POU6F2: variants seen among roughly 807,000 people sequenced by gnomAD.
POU6F2 encodes POU class 6 homeobox 2.
In POU6F2, 31 loss-of-function variants were observed where a neutral mutation model predicts 71.3. The ratio of observed to expected loss-of-function variants is 0.43; its 90% confidence interval spans 0.33 to 0.59. POU6F2 has a LOEUF of 0.59. Among genes scored for constraint, POU6F2 ranks in the 20% least tolerant of loss-of-function variants. The pLI is 0.04. For missense variants in POU6F2, 783 were observed against 856.8 expected, an observed-to-expected ratio of 0.91 and a Z score of 1.07; for synonymous variants, 347 against 355.7, an observed-to-expected ratio of 0.98 and a Z score of 0.27.
intron 2 of POU6F2, among the ~76,000 whole-genome samples, chr7:39,110,250 C>T (rs1292051639): frequency 1.7e-5 from 2 of 119,160 alleles, no homozygotes; most frequent in Non-Finnish European, 3.3e-5. Context: ...CAGGCTGGGA[C>T]AGAGCGAAAC....
intron 4 of POU6F2, among the ~76,000 whole-genome samples, chr7:39,293,972 T>A (rs1784807396): frequency 6.6e-6 from 1 of 151,876 alleles, no homozygotes; most frequent in Non-Finnish European, 1.5e-5. Context: ...GATGAAAAAC[T>A]TTGAAAGGGA....
At chr7:38,986,888 A>T (rs1257698343) in intron 1 of POU6F2, among the ~76,000 whole-genome samples, 5 of 152,174 alleles carry the variant, frequency 3.3e-5, no homozygotes, top group African/African-American at 1.2e-4. Flanking sequence ...ACTTTTACAT[A>T]TAAAAAATAT....
At position 39,239,351 on chromosome 7, in the gene POU6F2, C is replaced by T. The variant is rs928921038; in HGVS notation, c.598+31731C>T. On this transcript the variant is annotated intron_variant, in intron 4 of 9. Coordinates refer to ENST00000518318, the MANE Select transcript of POU6F2 (RefSeq NM_001370959.1). ...AAAATCCAAAAAAATCTCTGAAAAGCGAAGGTGTTTTCATAACTGATTTAG... is the reference window on the plus strand; with the variant it reads ...AAAATCCAAAAAAATCTCTGAAAAGTGAAGGTGTTTTCATAACTGATTTAG... 6.6e-5 allele frequency among the ~76,000 whole-genome samples: 10 copies of T among 152,008 alleles called. No homozygotes were observed. The South Asian group carries it at 8.3e-4, about 13-fold the overall frequency.
intron 2 of POU6F2, among the ~76,000 whole-genome samples, chr7:39,132,028 T>C (rs1235431067): frequency 6.6e-6 from 1 of 152,208 alleles, no homozygotes; most frequent in Non-Finnish European, 1.5e-5. Context: ...ACTTTTTAGT[T>C]ATTTTAAAAT....
chr7:39,263,820 G>A (rs182917837), intron 4 of POU6F2, among the ~76,000 whole-genome samples: 2 of 152,268 alleles, frequency 1.3e-5, no homozygotes, highest in Non-Finnish European at 2.9e-5. Context: ...TGACCTCCCC[G>A]AAGGCAGGAA....
At chr7:39,455,429 G>A (rs1305764978) in intron 8 of POU6F2, among the ~76,000 whole-genome samples, 1 of 152,108 alleles carries the variant, frequency 6.6e-6, no homozygotes, top group African/African-American at 2.4e-5. Context: ...CAAAAATACT[G>A]TTCTCCCAAA....
At chr7:39,088,373 A>G (rs531364442) in intron 2 of POU6F2, among the ~76,000 whole-genome samples, 2 of 152,304 alleles carry the variant, frequency 1.3e-5, no homozygotes, top group South Asian at 2.1e-4. Flanking sequence ...TACGTAACTG[A>G]CTAAAACTTT....
At chr7:39,293,872 A>G (rs980395121) in intron 4 of POU6F2, among the ~76,000 whole-genome samples, 1 of 152,206 alleles carries the variant, frequency 6.6e-6, no homozygotes, top group Admixed American at 6.5e-5. Context: ...TCCCTGGGGA[A>G]ACTGAGAGGC....
At chr7:39,282,928 C>A (rs1784585257) in intron 4 of POU6F2, among the ~76,000 whole-genome samples, 1 of 152,058 alleles carries the variant, frequency 6.6e-6, no homozygotes. Context: ...GATATCTTTC[C>A]ATTTATGTGT....
intron 4 of POU6F2, among the ~76,000 whole-genome samples, chr7:39,320,703 T>C (rs1446456379): frequency 6.6e-6 from 1 of 152,204 alleles, no homozygotes; most frequent in Non-Finnish European, 1.5e-5. Flanking sequence ...CTTTTTCCTA[T>C]TTATACATAC....
chr7:39,031,977 A>G (rs1297238166), intron 1 of POU6F2, among the ~76,000 whole-genome samples: 1 of 152,174 alleles, frequency 6.6e-6, no homozygotes, highest in Non-Finnish European at 1.5e-5. Context: ...TTGTATGTCA[A>G]TAGTTGCGTC....
chr7:39,385,416 C>T (rs532181730), intron 5 of POU6F2, among the ~76,000 whole-genome samples: 4 of 152,326 alleles, frequency 2.6e-5, no homozygotes, highest in Admixed American at 1.3e-4. Flanking sequence ...GAGTTGCACA[C>T]GGTCCTGGGA....
intron 9 of POU6F2, among the ~76,000 whole-genome samples, chr7:39,462,200 G>T (rs1788965366): frequency 6.6e-6 from 1 of 152,178 alleles, no homozygotes; most frequent in South Asian, 2.1e-4. Flanking sequence ...CCAGAGAGAG[G>T]TCAAAAAAGC....
At chr7:39,127,395 C>G (rs1792161667) in intron 2 of POU6F2, among the ~76,000 whole-genome samples, 1 of 152,150 alleles carries the variant, frequency 6.6e-6, no homozygotes, top group Admixed American at 6.6e-5. Flanking sequence ...TTCATTTAGT[C>G]ATTCAAGCAA....
At chr7:39,167,891 T>C (rs1206999934) in intron 2 of POU6F2, among the ~76,000 whole-genome samples, 2 of 152,034 alleles carry the variant, frequency 1.3e-5, no homozygotes, top group Non-Finnish European at 2.9e-5. Flanking sequence ...TACTTATTTT[T>C]GGCTTTTAGG....
chr7:39,155,854 G>A (rs905170523), intron 2 of POU6F2, among the ~76,000 whole-genome samples: 7 of 152,134 alleles, frequency 4.6e-5, no homozygotes, highest in Non-Finnish European at 8.8e-5. Flanking sequence ...TATAAAATGT[G>A]TAAATAGCCA....
chr7:39,397,676 A>G (rs2115858332), intron 5 of POU6F2, among the ~76,000 whole-genome samples: 1 of 149,076 alleles, frequency 6.7e-6, no homozygotes, highest in South Asian at 2.1e-4. Context: ...TATTTTTAGT[A>G]GAAACGGGGT....
intron 1 of POU6F2, among the ~76,000 whole-genome samples, chr7:39,012,879 G>C (rs200519091): frequency 0.014 from 2,036 of 147,582 alleles, 24 homozygotes; most frequent in African/African-American, 0.039. Flanking sequence ...GCAGTCTGCC[G>C]GTTCTCAGAT....
chr7:39,369,176 C>A (rs963031010), intron 5 of POU6F2, among the ~76,000 whole-genome samples: 1 of 152,250 alleles, frequency 6.6e-6, no homozygotes, highest in South Asian at 2.1e-4. Flanking sequence ...CTGCTGGTTG[C>A]TAAGACAGCA....
Sources: allele counts gnomAD v4.1 joint callset (sites outside exome capture counted in the v4.1 genomes callset), GRCh38; gene constraint gnomAD v4.1.1; transcripts MANE v1.5; gene names NCBI Gene and HGNC (gene_info 2026-07-23, HGNC 2026-07-21).